Variants in SOX5 observed in about 807,000 individuals in gnomAD.
SOX5 encodes the protein SRY-box transcription factor 5.
Under a neutral mutation model 92.0 loss-of-function variants are expected in SOX5, and 9 were observed. The observed-to-expected ratio is 0.10, with a 90% CI of 0.06 to 0.17. SOX5 has a LOEUF of 0.17. SOX5 is among the 10% of genes least tolerant of loss of function. The probability of loss-of-function intolerance (pLI) is 1.00; values close to 1 mark genes in which losing one functional copy is unlikely to be tolerated. For synonymous variants in SOX5, 344 were observed against 336.3 expected, an observed-to-expected ratio of 1.02 and a Z score of -0.25; for missense variants, 642 against 944.5, an observed-to-expected ratio of 0.68 and a Z score of 4.20.
intron 3 of SOX5, among the ~76,000 whole-genome samples, chr12:23,768,956 G>T (rs1482821275): frequency 6.6e-6 from 1 of 152,026 alleles, no homozygotes; most frequent in African/African-American, 2.4e-5. Flanking sequence ...TATAATGAGG[G>T]TATTAAATTC....
At chr12:24,129,803 G>C (rs1949472012) in intron 4 of SOX5, among the ~76,000 whole-genome samples, 1 of 152,182 alleles carries the variant, frequency 6.6e-6, no homozygotes, top group East Asian at 1.9e-4. Flanking sequence ...AAAAATATTG[G>C]GAGAAAGTTT....
chr12:23,577,405 G>A (rs1949341492), intron 9 of SOX5, among the ~76,000 whole-genome samples: 1 of 151,450 alleles, frequency 6.6e-6, no homozygotes. Flanking sequence ...TCACCATGTT[G>A]GCCAGCTAGT....
At chr12:24,031,616 A>T (rs947662170) in intron 4 of SOX5, among the ~76,000 whole-genome samples, 1 of 151,896 alleles carries the variant, frequency 6.6e-6, no homozygotes, top group Non-Finnish European at 1.5e-5. Context: ...ACTAGTTTCT[A>T]ACTTACAAGT....
At chr12:23,763,453 C>T (rs1485661867) in intron 3 of SOX5, among the ~76,000 whole-genome samples, 1 of 152,024 alleles carries the variant, frequency 6.6e-6, no homozygotes, top group Non-Finnish European at 1.5e-5. Flanking sequence ...CTACTTGTAC[C>T]CATTTTTATG....
intron 1 of SOX5, among the ~76,000 whole-genome samples, chr12:24,478,109 ACATCCAAATGTT>A (rs1466583953): frequency 6.6e-6 from 1 of 152,216 alleles, no homozygotes; most frequent in African/African-American, 2.4e-5. Flanking sequence ...TCTACTTGTG[ACATCCAAATGTT>A]TTTGGCCATA....
At chr12:24,189,381 A>G (rs1180364604) in intron 4 of SOX5, among the ~76,000 whole-genome samples, 1 of 152,216 alleles carries the variant, frequency 6.6e-6, no homozygotes, top group Non-Finnish European at 1.5e-5. Flanking sequence ...TATTCCAGTA[A>G]GAAGTGATAT....
chr12:23,736,009 A>G (rs538591444), intron 5 of SOX5, among the ~76,000 whole-genome samples: 13 of 152,194 alleles, frequency 8.5e-5, no homozygotes, highest in Non-Finnish European at 1.3e-4. Flanking sequence ...TGGATATCTA[A>G]TAAGAGTGCA....
At chr12:24,533,995 TC>T (rs781588091) in intron 1 of SOX5, among the ~76,000 whole-genome samples, 4 of 152,114 alleles carry the variant, frequency 2.6e-5, no homozygotes, top group Non-Finnish European at 4.4e-5. Context: ...GAGGCTCAGA[TC>T]CCAAAGCATG....
chr12:23,699,120 CTCTG>C (rs568195371), intron 6 of SOX5, among the ~76,000 whole-genome samples: 6 of 152,156 alleles, frequency 3.9e-5, no homozygotes, highest in South Asian at 2.1e-4. Flanking sequence ...TAGTTTTTCT[CTCTG>C]TCTGTCTGTC....
chr12:24,532,018 TCA>T (rs1951239103), intron 1 of SOX5, among the ~76,000 whole-genome samples: 1 of 152,138 alleles, frequency 6.6e-6, no homozygotes, highest in Non-Finnish European at 1.5e-5. Context: ...GACAAAATGG[TCA>T]ACTTTGTACG....
intron 4 of SOX5, among the ~76,000 whole-genome samples, chr12:24,058,150 G>C (rs1189558924): frequency 6.6e-6 from 1 of 152,202 alleles, no homozygotes; most frequent in Admixed American, 6.5e-5. Context: ...CATTAAATCT[G>C]ACCTACCTCT....
rs79388775 is a variant in SOX5 at position 24,393,854 on chromosome 12, G to C, written c.-250-25215C>G. Among the ~76,000 whole-genome samples, 156 of 152,242 alleles carry C rather than the reference G, an allele frequency of 1.0e-3. 1 individual carries two copies. Among genetic ancestry groups the C allele is most frequent in the Admixed American group, 2.6e-3 (40 of 15,298 alleles). ...TACCTCTTTCTTCAAAAGTTTAAAA[G>C]AGAATAGCAAAAGAGAAAAGACTAA... On this transcript the variant is annotated intron_variant, in intron 1 of 4. Transcript: ENST00000446891. This position sits in a 1 kb window ranked among gnomAD's most constrained non-coding sequence, Gnocchi z 5.0.
chr12:23,577,191 A>ATATATTTTTTT (rs71059907), intron 9 of SOX5, among the ~76,000 whole-genome samples: 6 of 61,390 alleles, frequency 9.8e-5, no homozygotes, highest in Non-Finnish European at 1.6e-4. Flanking sequence ...ATATATATAT[A>ATATATTTTTTT]TTTTTTTTTT....
At chr12:24,084,471 T>G (rs1943728172) in intron 4 of SOX5, among the ~76,000 whole-genome samples, 1 of 152,066 alleles carries the variant, frequency 6.6e-6, no homozygotes, top group South Asian at 2.1e-4. Flanking sequence ...TTTATTTTGC[T>G]CCTTCATTAT....
intron 1 of SOX5, among the ~76,000 whole-genome samples, chr12:24,405,488 T>G (rs1962723953): frequency 6.6e-6 from 1 of 152,142 alleles, no homozygotes; most frequent in Admixed American, 6.5e-5. Context: ...GAAACTGGAA[T>G]GATTCCCGCC....
Position 23,529,633 on chromosome 12 carries a change from T to A in SOX5, c.*4586A>T, listed in dbSNP as rs547601102. ...AACAGGTTGGTGGCAACCCACATCT[T>A]TTTTTTAAGAGCACATAAACTCCTG... On this transcript the variant is annotated 3_prime_UTR_variant, in exon 15 of 15. Transcript: ENST00000451604. 1.3e-5 allele frequency: 2 copies of A among 152,190 alleles called. No homozygotes were observed. Among genetic ancestry groups the A allele is most frequent in the East Asian group, 3.9e-4 (2 of 5,194 alleles). 9.4% of individuals were successfully genotyped at this position (152,190 alleles called of 1,614,324 possible).
chr12:24,339,555 G>A (rs1038543333), intron 2 of SOX5, among the ~76,000 whole-genome samples: 6 of 152,190 alleles, frequency 3.9e-5, no homozygotes, highest in African/African-American at 4.8e-5. Context: ...GGGAGCCATC[G>A]AAGAGTTCTG....
chr12:23,658,783 CTCAGGAGGCTGGG>C (rs1483201738), intron 7 of SOX5, among the ~76,000 whole-genome samples: 5 of 152,188 alleles, frequency 3.3e-5, no homozygotes, highest in Non-Finnish European at 5.9e-5. Context: ...ATCCCAGCTA[CTCAGGAGGCTGGG>C]GCAGGAGAAT....
At chr12:24,509,751 G>A (rs1949131577) in intron 1 of SOX5, among the ~76,000 whole-genome samples, 1 of 152,172 alleles carries the variant, frequency 6.6e-6, no homozygotes, top group Admixed American at 6.5e-5. Context: ...CTATATGGCT[G>A]TCATGTTCTT....
Sources: allele counts gnomAD v4.1 joint callset (sites outside exome capture counted in the v4.1 genomes callset), GRCh38; gene constraint gnomAD v4.1.1; non-coding constraint Gnocchi (gnomAD v3.1); transcripts MANE v1.5; gene names NCBI Gene and HGNC (gene_info 2026-07-23, HGNC 2026-07-21).